The following LRP1B variants were observed in gnomAD, a reference collection of about 807,000 sequenced individuals.
The protein encoded by LRP1B is low-density lipoprotein receptor-related protein 1B.
In LRP1B, 217 loss-of-function variants were observed where a neutral mutation model predicts 556.6. The observed-to-expected ratio is 0.39, with a 90% CI of 0.35 to 0.44. The LOEUF (loss-of-function observed/expected upper bound fraction) is 0.44, where lower values mean the gene tolerates loss of function less well. LRP1B is among the 20% of genes least tolerant of loss of function. LRP1B has a pLI of 1.00. For synonymous variants in LRP1B, 2,047 were observed against 1,865.8 expected (o/e 1.10, Z -2.50); for missense variants, 5,053 against 5,620.8 (o/e 0.90, Z 3.23).
At chr2:140,353,657 G>A (rs1682076296) in intron 75 of LRP1B, among the ~76,000 whole-genome samples, 1 of 152,050 alleles carries the variant, frequency 6.6e-6, no homozygotes, top group Non-Finnish European at 1.5e-5. Flanking sequence ...TGGGAGTGAT[G>A]ATTCATCCTT....
intron 1 of LRP1B, among the ~76,000 whole-genome samples, chr2:142,011,121 T>C (rs888863416): frequency 3.3e-5 from 5 of 152,210 alleles, no homozygotes; most frequent in Non-Finnish European, 5.9e-5. Context: ...AAGTGTTGAC[T>C]CATTTTGTAC....
chr2:141,989,307 C>T (rs1409809255), intron 1 of LRP1B, among the ~76,000 whole-genome samples: 1 of 151,860 alleles, frequency 6.6e-6, no homozygotes. Context: ...TAATAAGCTC[C>T]ATGATTTCTT....
At chr2:141,374,717 A>C (rs564047906) in intron 3 of LRP1B, among the ~76,000 whole-genome samples, 1 of 152,204 alleles carries the variant, frequency 6.6e-6, no homozygotes, top group Non-Finnish European at 1.5e-5. Context: ...TTAGTCCCAT[A>C]ATTTTTAAAG....
At chr2:140,315,216 C>A (rs1684469446) in intron 82 of LRP1B, 117 bp from the exon 83 acceptor site, 1 of 655,506 alleles carries the variant, frequency 1.5e-6, no homozygotes, top group Non-Finnish European at 2.4e-6. Flanking sequence ...AAATAATTAA[C>A]CCCAAGTACA....
In LRP1B at chr2:141,887,181, AAAGGGGGTTTCACAATGTTGGCC is replaced by A. The variant is rs1303112184; in HGVS notation, c.83-76803_83-76781del. On this transcript the variant is annotated intron_variant, in intron 1 of 90. Transcript: ENST00000389484. The stretch of plus-strand genomic sequence containing the variant: ...TTGCTAATTTTTGTATTTTTAGTAG[AAAGGGGGTTTCACAATGTTGGCC>A]AGGCTGGTCTCGAACTCCTGACCTC... 5.3e-5 allele frequency among the ~76,000 whole-genome samples: 8 copies of A among 151,990 alleles called. No individual in the cohort carries two copies. The East Asian group carries it at 1.6e-3, about 29-fold the overall frequency.
chr2:141,333,524 C>G (rs1286113720), intron 3 of LRP1B, among the ~76,000 whole-genome samples: 1 of 152,074 alleles, frequency 6.6e-6, no homozygotes, highest in East Asian at 1.9e-4. Flanking sequence ...CTGTCCAAGT[C>G]CTGATAACAG....
Position 141,005,389 on chromosome 2 carries a change from C to A in LRP1B, c.2449G>T (p.Val817Leu). Residue 817 changes from valine (V) to leucine (L), a missense_variant, in exon 15 of 91, where the codon GTG becomes TTG. This residue lies in a region of LRP1B where 3,619 missense variants were observed against 3,931.9 expected (regional missense o/e 0.92). Transcript: ENST00000389484. ...AGTTGATTATCGGCACAAGCACACACCCGGCCTCCTGGGATAGCCAAGCAA... is the reference window on the plus strand; with the variant it reads ...AGTTGATTATCGGCACAAGCACACAACCGGCCTCCTGGGATAGCCAAGCAA... ...TLCLAIPGGR[V>L]CACADNQLLD... 1 of 1,611,280 alleles carries A rather than the reference C, an allele frequency of 6.2e-7. No homozygotes were observed. Among genetic ancestry groups the A allele is most frequent in the South Asian group, 1.1e-5 (1 of 90,972 alleles).
chr2:140,385,813 C>T (rs1397194389), intron 67 of LRP1B, 80 bp downstream of exon 67: 4 of 921,486 alleles, frequency 4.3e-6, no homozygotes, highest in South Asian at 4.0e-5. Context: ...AAATTTATAC[C>T]TTAACAGAAC....
intron 1 of LRP1B, among the ~76,000 whole-genome samples, chr2:141,835,361 A>G (rs1697244158): frequency 6.6e-6 from 1 of 151,930 alleles, no homozygotes; most frequent in African/African-American, 2.4e-5. Context: ...CAGTTCCACT[A>G]TCACCCTGTC....
At chr2:140,933,565 C>G (rs1334505490) in intron 20 of LRP1B, among the ~76,000 whole-genome samples, 1 of 152,036 alleles carries the variant, frequency 6.6e-6, no homozygotes, top group Non-Finnish European at 1.5e-5. Context: ...AGCAGGACAA[C>G]AGGGTGAGGT....
intron 7 of LRP1B, among the ~76,000 whole-genome samples, chr2:141,138,083 C>T (rs1701535512): frequency 6.6e-6 from 1 of 151,816 alleles, no homozygotes; most frequent in African/African-American, 2.4e-5. Flanking sequence ...TAAAAGGATA[C>T]TATGTCATTA....
chr2:140,298,858 A>T (rs1255345525), intron 83 of LRP1B, among the ~76,000 whole-genome samples: 1 of 150,796 alleles, frequency 6.6e-6, no homozygotes, highest in Non-Finnish European at 1.5e-5. Context: ...GGAGAAGAGA[A>T]GGAGAAAGAA....
chr2:141,131,912 T>C (rs2105029017), intron 7 of LRP1B, among the ~76,000 whole-genome samples: 1 of 152,098 alleles, frequency 6.6e-6, no homozygotes, highest in South Asian at 2.1e-4. Context: ...AGTGGTGATT[T>C]ATGAGATTTT....
chr2:141,486,568 G>A lies in LRP1B; in HGVS notation c.206-6035C>T, dbSNP rs537050844. Among the ~76,000 whole-genome samples, 8 of 152,036 alleles carry A rather than the reference G, an allele frequency of 5.3e-5. No homozygotes were observed. In the South Asian group the frequency reaches 6.2e-4, roughly 12 times the overall value. ...TGTCACAACATCGTCATATCTTAGC[G>A]GAAACAGCATGACTTCTCCTTCCCC... is the stretch of plus-strand genomic sequence containing the variant. On this transcript the variant is annotated intron_variant, in intron 2 of 90. Transcript: ENST00000389484.
Position 140,511,292 on chromosome 2 carries a change from CTTTTTTTTTTTT to C in LRP1B, c.8270-1248_8270-1237del, listed in dbSNP as rs70985101. On this transcript the variant is annotated intron_variant, in intron 51 of 90. Coordinates refer to ENST00000389484, the MANE Select transcript of LRP1B (RefSeq NM_018557.3). Reference sequence around the variant, plus strand: ...TATCAAAATACAATCCTCTAAGGGTCTTTTTTTTTTTTTTTTTTTTTTTTTTTGAGACGGAGT... The same window carrying C: ...TATCAAAATACAATCCTCTAAGGGTCTTTTTTTTTTTTTTTGAGACGGAGT... Among the ~76,000 whole-genome samples the C allele has an allele frequency of 7.0e-4, 41 of 58,458 alleles. 1 individual carries two copies. The South Asian group carries it at 0.017, about 25-fold the overall frequency. 38.4% of individuals were successfully genotyped at this position (58,458 alleles called of 152,430 possible). A position where few individuals can be genotyped will look rare whatever the true frequency, so the allele number is the denominator to read the frequency against.
intron 34 of LRP1B, 57 bp downstream of exon 34, chr2:140,770,824 T>C (rs750977121): frequency 1.7e-4 from 238 of 1,437,496 alleles, no homozygotes; most frequent in Non-Finnish European, 2.0e-4. Context: ...ATCTGCATGG[T>C]ATGTAATGAT....
chr2:141,169,977 G>A (rs1483111724), intron 7 of LRP1B, among the ~76,000 whole-genome samples: 2 of 151,924 alleles, frequency 1.3e-5, no homozygotes, highest in Non-Finnish European at 2.9e-5. Context: ...ATTGTATACA[G>A]CAATGTAATC....
At chr2:140,485,855 A>ACG (rs1390337238) in intron 58 of LRP1B, among the ~76,000 whole-genome samples, 15 of 145,806 alleles carry the variant, frequency 1.0e-4, no homozygotes, top group African/African-American at 2.9e-4. Flanking sequence ...ATACACACAC[A>ACG]CACACACACA....
chr2:141,332,325 C>T lies in LRP1B; in HGVS notation c.344-77684G>A, dbSNP rs138748948. Among the ~76,000 whole-genome samples, 42 of 152,076 alleles carry T rather than the reference C, an allele frequency of 2.8e-4. No homozygotes were observed. The East Asian group carries it at 7.0e-3, about 25-fold the overall frequency. On this transcript the variant is annotated intron_variant, in intron 3 of 90. Transcript: ENST00000389484. The stretch of plus-strand genomic sequence containing the variant: ...ATTTTGTAAAATTTGAATGCAGTCT[C>T]ATCTTGGAATCTCACTTCTCTTCTC...
Sources: allele counts gnomAD v4.1 joint callset (sites outside exome capture counted in the v4.1 genomes callset), GRCh38; gene constraint gnomAD v4.1.1; regional missense constraint gnomAD v4.1.1; transcripts MANE v1.5; gene names NCBI Gene and HGNC (gene_info 2026-07-23, HGNC 2026-07-21).